Variants in DLGAP2 observed in about 807,000 individuals in gnomAD.
DLGAP2 encodes disks large-associated protein 2.
DLGAP2 carries 26 observed loss-of-function variants against 100.3 expected under a neutral mutation model. The ratio of observed to expected loss-of-function variants is 0.26; its 90% CI spans 0.19 to 0.36. The LOEUF (loss-of-function observed/expected upper bound fraction) is 0.36. Among genes scored for constraint, DLGAP2 ranks in the 10% least tolerant of loss-of-function variants. The probability of loss-of-function intolerance (pLI) is 1.00; values close to 1 mark genes in which losing one functional copy is unlikely to be tolerated. For synonymous variants in DLGAP2, 886 were observed against 630.1 expected (o/e 1.41, Z -6.08); for missense variants, 1,858 against 1,453.2 (o/e 1.28, Z -4.53).
At chr8:894,186 GC>G (rs1037269046) in intron 1 of DLGAP2, among the ~76,000 whole-genome samples, 9 of 152,156 alleles carry the variant, frequency 5.9e-5, no homozygotes, top group African/African-American at 2.2e-4. Flanking sequence ...GGTGGGAGAC[GC>G]CCCCAGAGCA....
rs200986859 is a variant in DLGAP2, at chr8:1,678,388, A to G, written c.2463A>G (p.Val821=). ...CCCAGTACAGCGCGGTGAGAACTGT[A>G]CGGACCCAGGGGCTCTTCAGCTATA... is the stretch of plus-strand genomic sequence containing the variant. ...TPTQYSAVRT[V]RTQGLFSYRE... The change falls in exon 12 of 15, where the codon GTA becomes GTG. Residue 821 remains valine (V), a synonymous_variant. Coordinates refer to ENST00000637795, the MANE Select transcript of DLGAP2 (RefSeq NM_001346810.2). 3.7e-6 allele frequency: 6 copies of G among 1,613,854 alleles called. No individual in the cohort carries two copies. In the African/African-American group the frequency reaches 5.3e-5, roughly 14 times the overall value.
intron 2 of DLGAP2, among the ~76,000 whole-genome samples, chr8:1,145,375 G>A (rs149616039): frequency 6.6e-6 from 1 of 152,168 alleles, no homozygotes; most frequent in Non-Finnish European, 1.5e-5. Flanking sequence ...TGTTGGCTGC[G>A]GTTCCACTCG....
intron 3 of DLGAP2, among the ~76,000 whole-genome samples, chr8:1,324,327 A>G (rs1017717396): frequency 6.6e-6 from 1 of 152,166 alleles, no homozygotes; most frequent in South Asian, 2.1e-4. Flanking sequence ...TTCCTATCCT[A>G]TCTCTTCTGT....
At chr8:1,295,464 C>A (rs1373145644) in intron 3 of DLGAP2, among the ~76,000 whole-genome samples, 2 of 152,142 alleles carry the variant, frequency 1.3e-5, no homozygotes, top group South Asian at 2.1e-4. Context: ...GCTGTGGGCC[C>A]CCAGCCACGT....
chr8:1,654,607 G>C (rs1439065974), intron 8 of DLGAP2, among the ~76,000 whole-genome samples: 2 of 149,316 alleles, frequency 1.3e-5, no homozygotes, highest in African/African-American at 4.9e-5. Flanking sequence ...GTTGCAGTGA[G>C]CTGCGATCAC....
At chr8:1,369,074 A>T (rs1417992506) in intron 3 of DLGAP2, 1 of 152,116 alleles carries the variant, frequency 6.6e-6, no homozygotes, top group African/African-American at 2.4e-5. Context: ...TCCTGCTTGG[A>T]GCTTACAGCA....
chr8:1,546,735 T>C (rs1237806973), intron 4 of DLGAP2, among the ~76,000 whole-genome samples: 2 of 152,090 alleles, frequency 1.3e-5, no homozygotes, highest in East Asian at 3.9e-4. Flanking sequence ...GCGCAGGGCA[T>C]GATGGACTCA....
At chr8:1,489,084 A>G (rs908773234) in intron 3 of DLGAP2, among the ~76,000 whole-genome samples, 4 of 152,280 alleles carry the variant, frequency 2.6e-5, no homozygotes, top group Middle Eastern at 3.4e-3. Flanking sequence ...CCCTGTTCAG[A>G]TTCTTCCTCC....
intron 2 of DLGAP2, among the ~76,000 whole-genome samples, chr8:1,132,854 G>A (rs1307660552): frequency 6.6e-6 from 1 of 152,206 alleles, no homozygotes; most frequent in Admixed American, 6.5e-5. Context: ...TGGATTCAGA[G>A]ATCTTCTCAT....
chr8:1,270,083 G>T (rs569007673), intron 3 of DLGAP2, among the ~76,000 whole-genome samples: 9 of 152,274 alleles, frequency 5.9e-5, no homozygotes, highest in Non-Finnish European at 7.4e-5. Context: ...TTGGGGTCCT[G>T]TTGACTGACC....
At chr8:1,303,158 A>G (rs34631465) in intron 3 of DLGAP2, among the ~76,000 whole-genome samples, 118,131 of 152,100 alleles carry the variant, frequency 0.78, 46,349 homozygotes, top group African/African-American at 0.89. Flanking sequence ...AGCACTTTGG[A>G]AGGCCGAGGC....
At chr8:925,823 T>C (rs374451049) in intron 2 of DLGAP2, among the ~76,000 whole-genome samples, 36 of 152,264 alleles carry the variant, frequency 2.4e-4, no homozygotes, top group African/African-American at 8.7e-4. Flanking sequence ...CATTCTAGCA[T>C]GAAGGCAGGA....
chr8:919,224 G>T (rs1330051624), intron 2 of DLGAP2, among the ~76,000 whole-genome samples: 1 of 152,184 alleles, frequency 6.6e-6, no homozygotes, highest in Non-Finnish European at 1.5e-5. Context: ...GTATTAGGAA[G>T]GAGTTGTGCA....
intron 5 of DLGAP2, among the ~76,000 whole-genome samples, chr8:1,560,907 G>A (rs970918480): frequency 6.6e-6 from 1 of 152,206 alleles, no homozygotes. Context: ...CAGCTCTGCG[G>A]TGTCATCTGT....
At chr8:1,065,221 G>A (rs143069092) in intron 2 of DLGAP2, among the ~76,000 whole-genome samples, 1 of 152,142 alleles carries the variant, frequency 6.6e-6, no homozygotes, top group East Asian at 1.9e-4. Flanking sequence ...ACTCAGTAAG[G>A]TCTTTTTAAA....
rs1368399843 is a variant in DLGAP2 at position 890,269 on chromosome 8, A to G, written c.19-17643A>G. On this transcript the variant is annotated intron_variant, in intron 1 of 14. Coordinates refer to ENST00000637795, the MANE Select transcript of DLGAP2 (RefSeq NM_001346810.2). ...TAAGAAAAGCCGTCTAGGATGAGCC[A>G]TGCACGTGCACGCGCATGGCAGAGC... 1.1e-4 allele frequency among the ~76,000 whole-genome samples: 17 copies of G among 152,260 alleles called. No individual in the cohort carries two copies. In the East Asian group the frequency reaches 2.1e-3, roughly 19 times the overall value.
chr8:961,103 A>C (rs1322041325), intron 2 of DLGAP2, among the ~76,000 whole-genome samples: 1 of 152,218 alleles, frequency 6.6e-6, no homozygotes, highest in South Asian at 2.1e-4. Flanking sequence ...GACGTTGTAC[A>C]TATTCCATTA....
At chr8:1,279,206 C>G (rs1799766890) in intron 3 of DLGAP2, among the ~76,000 whole-genome samples, 1 of 152,078 alleles carries the variant, frequency 6.6e-6, no homozygotes. Context: ...ACCTCAAAAG[C>G]CCTTTGTAAG....
At chr8:1,156,285 C>T (rs572441885) in intron 2 of DLGAP2, among the ~76,000 whole-genome samples, 23 of 152,278 alleles carry the variant, frequency 1.5e-4, no homozygotes, top group African/African-American at 5.1e-4. Flanking sequence ...GCGCTGCTTA[C>T]CCAAGGAGAG....
Sources: allele counts gnomAD v4.1 joint callset (sites outside exome capture counted in the v4.1 genomes callset), GRCh38; gene constraint gnomAD v4.1.1; transcripts MANE v1.5; gene names NCBI Gene and HGNC (gene_info 2026-07-23, HGNC 2026-07-21).